Variants in CHRNB1 observed in about 807,000 individuals in gnomAD.
CHRNB1 encodes the protein acetylcholine receptor subunit beta.
A neutral mutation model predicts 53.8 loss-of-function variants in CHRNB1; 47 were observed. The ratio of observed to expected loss-of-function variants is 0.87; its 90% confidence interval spans 0.69 to 1.11. The LOEUF is 1.11. Ranked by LOEUF, CHRNB1 falls within the 50% of genes most tolerant of loss-of-function variation. The pLI, the probability that CHRNB1 is intolerant of heterozygous loss-of-function variation, is 0.00. For missense variants in CHRNB1, 605 were observed against 654.9 expected, an observed-to-expected ratio of 0.92 and a Z score of 0.83; for synonymous variants, 259 against 263.5, an observed-to-expected ratio of 0.98 and a Z score of 0.16.
In CHRNB1 at chr17:7,448,692, C is replaced by T. The variant is rs200962487; in HGVS notation, c.724C>T (p.Arg242Cys). Residue 242 changes from arginine to cysteine, a missense_variant, in exon 7 of 11, where the codon CGC (arginine) becomes TGC (cysteine). Coordinates refer to ENST00000306071, the MANE Select transcript of CHRNB1 (RefSeq NM_000747.3). ...GGAAGTCATCTTCTACCTCATCATC[C>T]GCCGCAAGCCTCTCTTCTACCTGGT... ...RQEVIFYLII[R>C]RKPLFYLVNV... The T allele has an allele frequency of 3.3e-5, 54 of 1,614,190 alleles. No individual in the cohort carries two copies. The highest frequency in any genetic ancestry group is 6.6e-5 in the South Asian group (6 of 91,086).
intron 7 of CHRNB1, among the ~76,000 whole-genome samples, chr17:7,450,312 T>A (rs769507913): frequency 2.0e-5 from 3 of 151,828 alleles, no homozygotes; most frequent in Non-Finnish European, 4.4e-5. Flanking sequence ...CCTGCCTAAT[T>A]TTTGTAGTTT....
Position 7,454,301 on chromosome 17 carries a change from G to C in CHRNB1, c.825G>C (p.Glu275Asp). The change falls in exon 8 of 11, where the codon GAG becomes GAC. Residue 275 changes from glutamate (E) to aspartate (D), a missense_variant. Transcript: ENST00000306071. ...FVFYLPPDAG[E>D]KMGLSIFALL... ...TCTTCCCCTCTGCCCTCCAAGGAGAGAAGATGGGGCTCTCAATCTTTGCCC... is the reference window on the plus strand; with the variant it reads ...TCTTCCCCTCTGCCCTCCAAGGAGACAAGATGGGGCTCTCAATCTTTGCCC... 6.2e-7 allele frequency: 1 copy of C among 1,613,868 alleles called. No individual in the cohort carries two copies. Among genetic ancestry groups the C allele is most frequent in the Non-Finnish European group, 8.5e-7 (1 of 1,179,740 alleles).
chr17:7,453,825 C>T (rs1908975371), intron 7 of CHRNB1, among the ~76,000 whole-genome samples: 1 of 151,068 alleles, frequency 6.6e-6, no homozygotes, highest in South Asian at 2.1e-4. Context: ...GTTTGGGAGG[C>T]CAAGGTGGGT....
chr17:7,453,918 G>T (rs1908978550), intron 7 of CHRNB1, among the ~76,000 whole-genome samples: 1 of 151,978 alleles, frequency 6.6e-6, no homozygotes, highest in Non-Finnish European at 1.5e-5. Context: ...AAAATTAGCT[G>T]GGCATGGTGG....
chr17:7,456,086 G>T (rs1280663182), intron 10 of CHRNB1, 145 bp downstream of exon 10: 4 of 696,340 alleles, frequency 5.7e-6, no homozygotes, highest in East Asian at 3.0e-5. Flanking sequence ...ACAGAGTCTC[G>T]CTCTGTCGCC....
chr17:7,445,114 C>A lies in CHRNB1; in HGVS notation c.-14C>A, dbSNP rs1335474976. 6.2e-7 allele frequency: 1 copy of A among 1,605,752 alleles called. No homozygotes were observed. Among genetic ancestry groups the A allele is most frequent in the South Asian group, 1.1e-5 (1 of 90,560 alleles). On this transcript the variant is annotated 5_prime_UTR_variant, in exon 1 of 11. Transcript: ENST00000306071. This position sits in a 1 kb window ranked among gnomAD's most constrained non-coding sequence, Gnocchi z 5.7. ...CGGCTCTCTGAGCGAAGTCACTGAG[C>A]GAGCCGCCAGGCTATGACCCCAGGG...
chr17:7,448,667 G>A lies in CHRNB1; in HGVS notation c.699G>A (p.Gln233=). 6.2e-7 allele frequency: 1 copy of A among 1,614,186 alleles called. No individual in the cohort carries two copies. The highest frequency in any genetic ancestry group is 8.5e-7 in the Non-Finnish European group (1 of 1,180,032). The part of the protein sequence containing the change: ...DPRGGREGQR[Q]EVIFYLIIRR... ...GGGGAGGGAGGGAAGGACAGCGCCA[G>A]GAAGTCATCTTCTACCTCATCATCC... is the stretch of plus-strand genomic sequence containing the variant. The change falls in exon 7 of 11, where the codon CAG becomes CAA. Residue 233 remains glutamine (Q), a synonymous_variant. Coordinates refer to ENST00000306071, the MANE Select transcript of CHRNB1 (RefSeq NM_000747.3).
intron 7 of CHRNB1, among the ~76,000 whole-genome samples, chr17:7,450,164 GAC>G (rs1482644970): frequency 6.8e-6 from 1 of 147,086 alleles, no homozygotes; most frequent in African/African-American, 2.5e-5. Flanking sequence ...TTTTTTTCGA[GAC>G]AGAGTTTTGC....
rs1352951659 is a variant in CHRNB1 at position 7,456,719 on chromosome 17, C to G, written c.1502C>G (p.Pro501Arg). 6.2e-7 allele frequency: 1 copy of G among 1,614,190 alleles called. No individual in the cohort carries two copies. Among genetic ancestry groups the G allele is most frequent in the East Asian group, 2.2e-5 (1 of 44,878 alleles). The change falls in exon 11 of 11, where the codon CCT becomes CGT. Residue 501 changes from proline (P) to arginine (R), a missense_variant. Pro to Arg is a moderately radical substitution (Grantham distance 103). Transcript: ENST00000306071. ...CACTTGCCCCCTCCAGACCCCTTTC[C>G]TTGAAGACTGGAGGGTTGAGACCCA... ...TYHLPPPDPF[P>R]
intron 3 of CHRNB1, 137 bp downstream of exon 3, chr17:7,446,250 C>A: frequency 1.3e-6 from 1 of 774,862 alleles, no homozygotes; most frequent in Non-Finnish European, 2.2e-6. Context: ...CTCGAAGAAA[C>A]AACACTTAAC....
chr17:7,456,512 G>T, intron 10 of CHRNB1, 71 bp from the exon 11 acceptor site: 1 of 1,596,692 alleles, frequency 6.3e-7, no homozygotes, highest in Non-Finnish European at 8.6e-7. Flanking sequence ...CGGGTAGCGG[G>T]CGGGGAAATG....
In CHRNB1 at chr17:7,445,487, C is replaced by G; in HGVS notation, c.198+78C>G. On this transcript the variant is annotated intron_variant, in intron 2 of 10. Transcript: ENST00000306071. The surrounding 1 kb of genome is among the most constrained non-coding windows in gnomAD (Gnocchi z 5.7). ...GCTTTAGGCAAGGCCGGACCAGGGA[C>G]AGGCTGGGGGCGGGGCCTGGGACGA... 2 of 1,567,262 alleles carry G rather than the reference C, an allele frequency of 1.3e-6. No homozygotes were observed. The highest frequency in any genetic ancestry group is 1.7e-6 in the Non-Finnish European group (2 of 1,160,584).
chr17:7,455,633 A>G, intron 9 of CHRNB1, 161 bp from the exon 10 acceptor site: 1 of 1,230,168 alleles, frequency 8.1e-7, no homozygotes, highest in Non-Finnish European at 1.2e-6. Flanking sequence ...AGGCGGTGGA[A>G]GAAGTTGCAC....
chr17:7,456,400 C>G (rs1405538058), intron 10 of CHRNB1, among the ~76,000 whole-genome samples, 183 bp from the exon 11 acceptor site: 1 of 152,126 alleles, frequency 6.6e-6, no homozygotes, highest in African/African-American at 2.4e-5. Flanking sequence ...GTCCCACCCC[C>G]TGCTTACCTA....
chr17:7,450,423 A>G (rs1597752225), intron 7 of CHRNB1, among the ~76,000 whole-genome samples: 1 of 152,126 alleles, frequency 6.6e-6, no homozygotes, highest in African/African-American at 2.4e-5. Flanking sequence ...GATTATAGGC[A>G]TCAGCCACCA....
At position 7,455,375 on chromosome 17, in the gene CHRNB1, C is replaced by T; in HGVS notation, c.1136C>T (p.Pro379Leu). 6.2e-7 allele frequency: 1 copy of T among 1,614,162 alleles called. No individual in the cohort carries two copies. The highest frequency in any genetic ancestry group is 8.5e-7 in the Non-Finnish European group (1 of 1,180,032). The change falls in exon 9 of 11, where the codon CCA becomes CTA. Residue 379 changes from proline to leucine, a missense_variant. Coordinates refer to ENST00000306071, the MANE Select transcript of CHRNB1 (RefSeq NM_000747.3). ...LMPEPPHCSS[P>L]GSGWGRGTDE... is the part of the protein sequence containing the mutation. ...CCGGAGCCCCCTCACTGTTCTTCTCCAGGAAGTGGCTGGGGTCGGGGAACA... is the reference window on the plus strand; with the variant it reads ...CCGGAGCCCCCTCACTGTTCTTCTCTAGGAAGTGGCTGGGGTCGGGGAACA...
At chr17:7,448,074 CAAAAAAA>C (rs71157286) in intron 6 of CHRNB1, among the ~76,000 whole-genome samples, 2 of 16,698 alleles carry the variant, frequency 1.2e-4, no homozygotes, top group South Asian at 5.6e-3. Context: ...AAGTTCGTCT[CAAAAAAA>C]AAAAAAAAAA....
rs763975239 is a variant in CHRNB1 at position 7,445,218 on chromosome 17, G to T, written c.58+33G>T. 1.2e-6 allele frequency: 2 copies of T among 1,611,418 alleles called. No homozygotes were observed. Among genetic ancestry groups the T allele is most frequent in the East Asian group, 4.5e-5 (2 of 44,842 alleles). On this transcript the variant is annotated intron_variant, in intron 1 of 10. Transcript: ENST00000306071. This position sits in a 1 kb window ranked among gnomAD's most constrained non-coding sequence, Gnocchi z 5.7. ...TAGGCCCCGAAGGGGCAGTGACGGGGCCAGCGGTCGTGGCCAGGCACCAGG... is the reference window on the plus strand; with the variant it reads ...TAGGCCCCGAAGGGGCAGTGACGGGTCCAGCGGTCGTGGCCAGGCACCAGG...
intron 6 of CHRNB1, among the ~76,000 whole-genome samples, chr17:7,448,136 G>GT (rs1908730482): frequency 7.5e-6 from 1 of 134,086 alleles, no homozygotes; most frequent in Non-Finnish European, 1.6e-5. Context: ...CTTAATCTCA[G>GT]TATTTTGGGA....
Sources: gnomAD v4.1 joint callset for allele counts (sites outside exome capture counted in the v4.1 genomes callset) on GRCh38, gnomAD v4.1.1 for gene constraint, Gnocchi (gnomAD v3.1) non-coding constraint, MANE v1.5 for transcripts, NCBI Gene and HGNC (gene_info 2026-07-23, HGNC 2026-07-21) for gene names.